The following PSD3 variants were observed in gnomAD, a reference collection of about 807,000 sequenced individuals.
PSD3 encodes PH and SEC7 domain-containing protein 3.
PSD3 carries 49 observed loss-of-function variants against 105.5 expected under a neutral mutation model. The observed-to-expected ratio is 0.46, with a 90% CI of 0.37 to 0.59. The LOEUF is 0.59. PSD3 is among the 20% of genes least tolerant of loss of function. PSD3 has a pLI of 0.00. For synonymous variants in PSD3, 557 were observed against 457.8 expected (o/e 1.22, Z -2.77); for missense variants, 1,561 against 1,263.8 (o/e 1.24, Z -3.57).
Position 18,570,446 on chromosome 8 carries a change from A to C in PSD3, c.2784+2082T>G, listed in dbSNP as rs1437635039. 5.1e-5 allele frequency among the ~76,000 whole-genome samples: 7 copies of C among 137,706 alleles called. No homozygotes were observed. The East Asian group carries it at 8.8e-4, about 17-fold the overall frequency. The allele number at this position is 137,706 out of a possible 152,430, so 90.3% of individuals were successfully genotyped here. ...TGTCTAAAACACCAAAAGCAATGGC[A>C]ACAAAACACAAAATTGACAAATGGG... On this transcript the variant is annotated intron_variant, in intron 14 of 15. Coordinates refer to ENST00000327040, the MANE Select transcript of PSD3 (RefSeq NM_015310.4).
chr8:18,545,003 G>C (rs1160358947), intron 15 of PSD3, among the ~76,000 whole-genome samples: 1 of 152,118 alleles, frequency 6.6e-6, no homozygotes, highest in African/African-American at 2.4e-5. Context: ...TTTTACCTTT[G>C]AATAACAACA....
At chr8:18,804,626 G>A in intron 5 of PSD3, 24 bp from the exon 6 acceptor site, 4 of 1,610,554 alleles carry the variant, frequency 2.5e-6, no homozygotes, top group Non-Finnish European at 3.4e-6. Context: ...GAATAGACTT[G>A]GTTATTGAAA....
chr8:18,961,930 C>T (rs1823952189), intron 1 of PSD3, among the ~76,000 whole-genome samples: 1 of 152,006 alleles, frequency 6.6e-6, no homozygotes, highest in Non-Finnish European at 1.5e-5. Flanking sequence ...CCTGCGAAAA[C>T]CATGTAAAAT....
intron 1 of PSD3, among the ~76,000 whole-genome samples, chr8:18,978,332 A>T (rs1825061758): frequency 6.6e-6 from 1 of 152,226 alleles, no homozygotes; most frequent in Admixed American, 6.5e-5. Context: ...ACTTCCAGAA[A>T]ATCATTTTGC....
intron 8 of PSD3, among the ~76,000 whole-genome samples, chr8:18,798,934 T>C (rs933779523): frequency 2.6e-5 from 4 of 152,094 alleles, no homozygotes; most frequent in Non-Finnish European, 2.9e-5. Flanking sequence ...GAAAACACAA[T>C]TCACATTTTC....
chr8:18,973,049 G>C (rs1056286424), intron 1 of PSD3, among the ~76,000 whole-genome samples: 1 of 152,230 alleles, frequency 6.6e-6, no homozygotes, highest in Non-Finnish European at 1.5e-5. Context: ...GTAGACCTGA[G>C]TCTTGGGGGT....
chr8:18,838,533 G>C (rs1423396607), intron 4 of PSD3, among the ~76,000 whole-genome samples: 1 of 152,026 alleles, frequency 6.6e-6, no homozygotes, highest in African/African-American at 2.4e-5. Context: ...TGAGCGTGGT[G>C]GCTCATGCCT....
intron 9 of PSD3, 37 bp downstream of exon 9, chr8:18,765,412 A>G (rs1452740019): frequency 5.3e-6 from 8 of 1,509,212 alleles, no homozygotes; most frequent in Non-Finnish European, 7.4e-6. Context: ...AAACAGAAAT[A>G]CAAGCATACA....
At position 18,938,396 on chromosome 8, in the gene PSD3, C is replaced by T. The variant is rs542694042; in HGVS notation, c.22-2254G>A. ...TAGCACTCTGGGAGGCTGGGGTGGG[C>T]GCACCACTTGAGGTCAGGAGTTCGA... On this transcript the variant is annotated intron_variant, in intron 1 of 15. Transcript: ENST00000327040. Among the ~76,000 whole-genome samples the T allele has an allele frequency of 5.6e-4, 85 of 151,628 alleles. 1 individual carries two copies. The South Asian group carries it at 0.016, about 28-fold the overall frequency.
At chr8:18,603,046 A>G (rs1434995280) in intron 11 of PSD3, among the ~76,000 whole-genome samples, 2 of 152,234 alleles carry the variant, frequency 1.3e-5, no homozygotes, top group Non-Finnish European at 1.5e-5. Context: ...GGCTTTAACT[A>G]CAAGGGCTGT....
intron 1 of PSD3, among the ~76,000 whole-genome samples, chr8:19,032,278 GGTAA>G (rs1174251858): frequency 2.0e-5 from 3 of 151,916 alleles, no homozygotes; most frequent in Non-Finnish European, 2.9e-5. Context: ...ACACACACAT[GGTAA>G]GTGAGATGTG....
intron 2 of PSD3, among the ~76,000 whole-genome samples, chr8:18,913,977 C>T (rs1227735165): frequency 6.6e-6 from 1 of 152,112 alleles, no homozygotes; most frequent in Non-Finnish European, 1.5e-5. Context: ...CTAGGCCCAA[C>T]TCAACAGACA....
intron 11 of PSD3, among the ~76,000 whole-genome samples, chr8:18,631,373 T>C (rs977345322): frequency 1.3e-5 from 2 of 151,984 alleles, no homozygotes; most frequent in African/African-American, 4.8e-5. Context: ...CTCTCAGTGA[T>C]ACAAGTCAGA....
intron 1 of PSD3, among the ~76,000 whole-genome samples, chr8:18,976,519 C>T: frequency 6.6e-6 from 1 of 152,174 alleles, no homozygotes; most frequent in Non-Finnish European, 1.5e-5. Flanking sequence ...ATGTAGTTAG[C>T]AGTAGCCAAG....
Position 18,722,794 on chromosome 8 carries a change from T to C in PSD3, c.2172+42655A>G, listed in dbSNP as rs535738483. 5.3e-5 allele frequency among the ~76,000 whole-genome samples: 8 copies of C among 152,266 alleles called. No homozygotes were observed. The South Asian group carries it at 1.7e-3, about 32-fold the overall frequency. Reference sequence around the variant, plus strand: ...CATCTGCCTAAATCTCATCTATCTATAGAGCCCATTCAAATTCTATCACTC... The same window carrying C: ...CATCTGCCTAAATCTCATCTATCTACAGAGCCCATTCAAATTCTATCACTC... On this transcript the variant is annotated intron_variant, in intron 9 of 15. Coordinates refer to ENST00000327040, the MANE Select transcript of PSD3 (RefSeq NM_015310.4).
chr8:18,632,041 C>A (rs1011533705), intron 11 of PSD3, among the ~76,000 whole-genome samples: 1 of 152,030 alleles, frequency 6.6e-6, no homozygotes, highest in African/African-American at 2.4e-5. Flanking sequence ...CCTCACACTT[C>A]ACAGAAAAAT....
chr8:18,603,089 C>G (rs1427055567), intron 11 of PSD3, among the ~76,000 whole-genome samples: 1 of 152,170 alleles, frequency 6.6e-6, no homozygotes, highest in East Asian at 1.9e-4. Flanking sequence ...CTTTAATATC[C>G]AGGTATCTTC....
At chr8:18,923,822 C>A (rs2129467645) in intron 2 of PSD3, among the ~76,000 whole-genome samples, 3 of 151,748 alleles carry the variant, frequency 2.0e-5, no homozygotes, top group Middle Eastern at 6.8e-3. Flanking sequence ...TGTTCCAAAG[C>A]TGATTTGATC....
chr8:18,554,978 C>T (rs1356836794), intron 15 of PSD3, among the ~76,000 whole-genome samples: 1 of 151,878 alleles, frequency 6.6e-6, no homozygotes, highest in African/African-American at 2.4e-5. Flanking sequence ...GTAGGGAGGC[C>T]AGTGTGGGAA....
Sources: gnomAD v4.1 joint callset for allele counts (sites outside exome capture counted in the v4.1 genomes callset) on GRCh38, gnomAD v4.1.1 for gene constraint, MANE v1.5 for transcripts, NCBI Gene and HGNC (gene_info 2026-07-23, HGNC 2026-07-21) for gene names.